ARGFX: variants seen among roughly 807,000 people sequenced by gnomAD.
The protein encoded by ARGFX is arginine-fifty homeobox.
In ARGFX, 10 loss-of-function variants were observed where a neutral mutation model predicts 8.0. The observed-to-expected ratio is 1.25, with a 90% confidence interval of 0.77 to 2.12. The LOEUF is 2.12. ARGFX is among the 30% of genes most tolerant of loss of function. ARGFX has a pLI of 0.00. For synonymous variants in ARGFX, 116 were observed against 117.8 expected (o/e 0.98, Z 0.10); for missense variants, 282 against 324.3 (o/e 0.87, Z 1.00).
In ARGFX at chr3:121,586,139, C is replaced by G; in HGVS notation, c.487C>G (p.Pro163Ala). 1 of 1,614,018 alleles carries G rather than the reference C, an allele frequency of 6.2e-7. No individual in the cohort carries two copies. Among genetic ancestry groups the G allele is most frequent in the East Asian group, 2.2e-5 (1 of 44,878 alleles). Residue 163 changes from proline to alanine, a missense_variant, in exon 5 of 5, where the codon CCC becomes GCC. Pro to Ala is a conservative substitution (Grantham distance 27). Coordinates refer to ENST00000334384, the MANE Select transcript of ARGFX (RefSeq NM_001012659.2). ...TGTGCCCACCTCCCCCAGAACATCCCCCAGTCCTTATGCTTTTTCTCCTGT... is the reference window on the plus strand; with the variant it reads ...TGTGCCCACCTCCCCCAGAACATCCGCCAGTCCTTATGCTTTTTCTCCTGT... ...KNVPTSPRTS[P>A]SPYAFSPVIS...
chr3:121,575,580 G>C (rs938979225), intron 2 of ARGFX, among the ~76,000 whole-genome samples: 1 of 152,060 alleles, frequency 6.6e-6, no homozygotes, highest in African/African-American at 2.4e-5. Context: ...TGAGTGGGGG[G>C]CATCATCACT....
At chr3:121,583,100 G>C (rs945319608) in intron 3 of ARGFX, among the ~76,000 whole-genome samples, 2 of 148,148 alleles carry the variant, frequency 1.3e-5, no homozygotes, top group Non-Finnish European at 3.0e-5. Flanking sequence ...AATGATCTCG[G>C]TTCACTGCAA....
At chr3:121,573,524 G>A (rs1311206021) in intron 2 of ARGFX, among the ~76,000 whole-genome samples, 2 of 151,402 alleles carry the variant, frequency 1.3e-5, no homozygotes, top group Non-Finnish European at 2.9e-5. Context: ...TGTAGTGGGA[G>A]AAAATATTTG....
chr3:121,579,955 T>C (rs1268016217), intron 3 of ARGFX, among the ~76,000 whole-genome samples: 17 of 136,878 alleles, frequency 1.2e-4, no homozygotes, highest in Admixed American at 3.6e-4. Flanking sequence ...CTTTTTTTTT[T>C]TTTTTTTTTT....
At position 121,577,200 on chromosome 3, in the gene ARGFX, T is replaced by C. The variant is rs972085427; in HGVS notation, c.220+300T>C. Among the ~76,000 whole-genome samples the C allele has an allele frequency of 3.7e-5, 4 of 106,714 alleles. No individual in the cohort carries two copies. The Admixed American group carries it at 4.4e-4, about 12-fold the overall frequency. The allele number at this position is 106,714 out of a possible 152,430, so 70.0% of individuals were successfully genotyped here. ...TGTTGTGTATATATGTATGTGTGTA[T>C]GTATATATATATATATCTACATGTA... On this transcript the variant is annotated intron_variant, in intron 3 of 4. Transcript: ENST00000334384.
rs928208145 is a variant in ARGFX, at chr3:121,587,999, A to G, written c.*1399A>G. On this transcript the variant is annotated 3_prime_UTR_variant, in exon 5 of 5. Coordinates refer to ENST00000334384, the MANE Select transcript of ARGFX (RefSeq NM_001012659.2). ...TATATAGTACAATGGTCCAGACATAATAAGAGGTGTAAAAACTATCACAGG... is the reference window on the plus strand; with the variant it reads ...TATATAGTACAATGGTCCAGACATAGTAAGAGGTGTAAAAACTATCACAGG... Among the ~76,000 whole-genome samples the G allele has an allele frequency of 1.3e-5, 2 of 152,108 alleles. No homozygotes were observed. Among genetic ancestry groups the G allele is most frequent in the Admixed American group, 1.3e-4 (2 of 15,278 alleles).
At chr3:121,569,103 T>A (rs562996155) in intron 1 of ARGFX, among the ~76,000 whole-genome samples, 1 of 152,270 alleles carries the variant, frequency 6.6e-6, no homozygotes, top group East Asian at 1.9e-4. Context: ...AAAAAAAAAT[T>A]GTGAGACCAA....
intron 4 of ARGFX, among the ~76,000 whole-genome samples, 192 bp downstream of exon 4, chr3:121,585,257 T>C (rs957119727): frequency 6.6e-5 from 10 of 151,934 alleles, no homozygotes; most frequent in Non-Finnish European, 1.3e-4. Context: ...TGAGAAAAAA[T>C]GAGGTTCAGA....
At position 121,590,423 on chromosome 3, in the gene ARGFX, C is replaced by T. The variant is rs758316496; in HGVS notation, c.*3823C>T. The stretch of plus-strand genomic sequence containing the variant: ...TGGGTTCCTGATAAAAGGATGAGTT[C>T]GGCCTTCTTCTTCCCCAAAATCTTT... On this transcript the variant is annotated 3_prime_UTR_variant, in exon 5 of 5. Transcript: ENST00000334384. Among the ~76,000 whole-genome samples the T allele has an allele frequency of 6.6e-6, 1 of 152,026 alleles. No homozygotes were observed. Among genetic ancestry groups the T allele is most frequent in the Admixed American group, 6.6e-5 (1 of 15,240 alleles).
intron 4 of ARGFX, 104 bp from the exon 5 acceptor site, chr3:121,585,918 A>G: frequency 9.1e-7 from 1 of 1,098,418 alleles, no homozygotes. Flanking sequence ...ATGGTGAATT[A>G]GAGAGGACAT....
At chr3:121,569,631 G>A (rs1160806655) in intron 1 of ARGFX, among the ~76,000 whole-genome samples, 1 of 152,158 alleles carries the variant, frequency 6.6e-6, no homozygotes, top group African/African-American at 2.4e-5. Flanking sequence ...CTTTCAAAGT[G>A]CTGAGATTAC....
chr3:121,570,052 T>C (rs1401672318), intron 1 of ARGFX, among the ~76,000 whole-genome samples: 1 of 152,214 alleles, frequency 6.6e-6, no homozygotes, highest in African/African-American at 2.4e-5. Flanking sequence ...TCTTCATATA[T>C]ATTCCAAATA....
chr3:121,576,706 TTTTTC>T (rs141025049), intron 2 of ARGFX, 73 bp from the exon 3 acceptor site: 36,791 of 179,482 alleles, frequency 0.2, 3,009 homozygotes, highest in Middle Eastern at 0.26. Flanking sequence ...TCTTTCTTTC[TTTTTC>T]TTTCTTTCTT....
rs2048703033 is a variant in ARGFX, at chr3:121,570,738, A to G, written c.25A>G (p.Asn9Asp). 6.2e-7 allele frequency: 1 copy of G among 1,610,582 alleles called. No individual in the cohort carries two copies. The highest frequency in any genetic ancestry group is 1.3e-5 in the African/African-American group (1 of 74,750). ...CATGAGGAACAGAATGGCCCCAGAG[A>G]ATCCCCAGCCAGACCCTTTCATCAA... MRNRMAPE[N>D]PQPDPFINRN... Residue 9 changes from asparagine (N) to aspartate (D), a missense_variant, in exon 2 of 5, where the codon AAT becomes GAT. Physicochemically the swap from Asn to Asp is conservative, Grantham distance 23 (BLOSUM62 1). Coordinates refer to ENST00000334384, the MANE Select transcript of ARGFX (RefSeq NM_001012659.2).
chr3:121,572,977 C>A (rs1328947543), intron 2 of ARGFX, among the ~76,000 whole-genome samples: 3 of 152,138 alleles, frequency 2.0e-5, no homozygotes, highest in African/African-American at 7.2e-5. Flanking sequence ...CCTTACCTTA[C>A]CACATGCAAA....
intron 1 of ARGFX, among the ~76,000 whole-genome samples, chr3:121,569,660 C>A (rs1302349649): frequency 3.3e-5 from 5 of 152,194 alleles, no homozygotes; most frequent in Non-Finnish European, 5.9e-5. Flanking sequence ...GCCACCATGC[C>A]CGTCCTGCAA....
rs1249115285 is a variant in ARGFX at position 121,589,090 on chromosome 3, C to G, written c.*2490C>G. Among the ~76,000 whole-genome samples, 1 of 152,008 alleles carries G rather than the reference C, an allele frequency of 6.6e-6. No homozygotes were observed. On this transcript the variant is annotated 3_prime_UTR_variant, in exon 5 of 5. Transcript: ENST00000334384. ...CTCGAGAGGCTGAGGTAAGAGCATC[C>G]CTTGAGCCACAGAGGTCGAGGCTGC...
At chr3:121,577,259 A>ATT (rs869249692) in intron 3 of ARGFX, among the ~76,000 whole-genome samples, 1,553 of 59,354 alleles carry the variant, frequency 0.026, 37 homozygotes, top group Non-Finnish European at 0.033. Context: ...ATATATATAT[A>ATT]TTTTTTTTTT....
rs1309924328 is a variant in ARGFX at position 121,589,998 on chromosome 3, G to C, written c.*3398G>C. ...TTATGAAATCAAAAGCTGGTTCTTT[G>C]AAAAGATCTACAAAATGGCAAACAT... On this transcript the variant is annotated 3_prime_UTR_variant, in exon 5 of 5. Transcript: ENST00000334384. 6.6e-6 allele frequency among the ~76,000 whole-genome samples: 1 copy of C among 152,022 alleles called. No homozygotes were observed.
Sources: gnomAD v4.1 joint callset for allele counts (sites outside exome capture counted in the v4.1 genomes callset) on GRCh38, gnomAD v4.1.1 for gene constraint, MANE v1.5 for transcripts, NCBI Gene and HGNC (gene_info 2026-07-23, HGNC 2026-07-21) for gene names.